The following PFKFB1 variants were observed in gnomAD, a reference collection of about 807,000 sequenced individuals.
The protein encoded by PFKFB1 is 6-phosphofructo-2-kinase/fructose-2,6-biphosphatase 1.
PFKFB1 carries 34 observed loss-of-function variants against 46.4 expected under a neutral mutation model. The ratio of observed to expected loss-of-function variants is 0.73; its 90% CI spans 0.56 to 0.98. The LOEUF is 0.98. Among genes scored for constraint, PFKFB1 ranks in the 50% least tolerant of loss-of-function variants. PFKFB1 has a pLI of 0.00. For missense variants in PFKFB1, 393 were observed against 376.3 expected, an observed-to-expected ratio of 1.04 and a Z score of -0.37; for synonymous variants, 119 against 133.8, an observed-to-expected ratio of 0.89 and a Z score of 0.76.
At chrX:54,942,089 T>G (rs1364539493) in intron 10 of PFKFB1, among the ~76,000 whole-genome samples, 1 of 111,936 alleles carries the variant, frequency 8.9e-6, no homozygotes, top group Admixed American at 9.5e-5. Context: ...TCATGTCCTT[T>G]GTAGTGACAT....
At chrX:54,933,795 C>T (rs1234823060) in intron 13 of PFKFB1, 26 bp downstream of exon 13, 23 of 1,181,389 alleles carry the variant, frequency 1.9e-5, no homozygotes, top group Non-Finnish European at 2.4e-5. Context: ...CCACAGCCAG[C>T]TTGGGCCATG....
At chrX:54,997,831 G>A (rs767965349), upstream of PFKFB1, among the ~76,000 whole-genome samples, 5 of 112,119 alleles carry the variant, frequency 4.5e-5, no homozygotes, top group Admixed American at 3.7e-4. Context: ...GACTATAGTC[G>A]CACAGCAGCT....
chrX:54,960,748 C>A (rs907749915), intron 3 of PFKFB1, 76 bp downstream of exon 3: 6 of 645,029 alleles, frequency 9.3e-6, no homozygotes, highest in Middle Eastern at 6.5e-4. Flanking sequence ...GATTATTCTG[C>A]CCTACTCCCC....
upstream of PFKFB1, among the ~76,000 whole-genome samples, chrX:54,997,580 T>C (rs748846986): frequency 5.4e-5 from 6 of 111,823 alleles, no homozygotes; most frequent in African/African-American, 9.7e-5. Flanking sequence ...GGTCTCCCTA[T>C]TGGTAGCTCT....
In PFKFB1 at chrX:54,937,511, A is replaced by C. The variant is rs1229055973; in HGVS notation, c.1228+84T>G. The C allele has an allele frequency of 3.4e-6, 3 of 890,839 alleles. No homozygotes were observed. The African/African-American group carries it at 5.9e-5, about 17-fold the overall frequency. The allele number at this position is 890,839 out of a possible 1,213,427, so 73.4% of individuals were successfully genotyped here. ...CCTTGTTCTAGATACTCTTCTCTTA[A>C]CTACTAAGATATAGATATCTAATTG... On this transcript the variant is annotated intron_variant, in intron 11 of 13. Coordinates refer to ENST00000375006, the MANE Select transcript of PFKFB1 (RefSeq NM_002625.4).
chrX:54,988,735 G>C (rs1386743435), intron 1 of PFKFB1, among the ~76,000 whole-genome samples: 3 of 111,657 alleles, frequency 2.7e-5, no homozygotes, highest in Non-Finnish European at 3.8e-5. Context: ...AATTAAGTAG[G>C]GGAAAGAAGA....
intron 13 of PFKFB1, 64 bp downstream of exon 13, chrX:54,933,757 G>T: frequency 9.9e-7 from 1 of 1,011,368 alleles, no homozygotes; most frequent in Non-Finnish European, 1.4e-6. Context: ...CCTTTCTGTG[G>T]ATAAGGTGCT....
At chrX:54,948,123 A>G (rs1226952960) in intron 9 of PFKFB1, among the ~76,000 whole-genome samples, 1 of 110,362 alleles carries the variant, frequency 9.1e-6, no homozygotes, top group African/African-American at 3.3e-5. Flanking sequence ...GGGTTTTACT[A>G]TGTTGCTCAG....
At chrX:54,975,536 C>T (rs1238744111) in intron 1 of PFKFB1, among the ~76,000 whole-genome samples, 1 of 111,027 alleles carries the variant, frequency 9.0e-6, no homozygotes, top group Non-Finnish European at 1.9e-5. Flanking sequence ...CCAGTGTACA[C>T]TGCTCAGGTG....
intron 1 of PFKFB1, among the ~76,000 whole-genome samples, chrX:54,988,782 C>A (rs1373164169): frequency 8.9e-6 from 1 of 111,745 alleles, no homozygotes; most frequent in Non-Finnish European, 1.9e-5. Flanking sequence ...AACTGGATAG[C>A]CACATGCAAA....
intron 10 of PFKFB1, among the ~76,000 whole-genome samples, chrX:54,939,673 C>A (rs1933544968): frequency 9.0e-6 from 1 of 111,727 alleles, no homozygotes; most frequent in African/African-American, 3.3e-5. Flanking sequence ...GACACATACA[C>A]CCTCCCAAGA....
chrX:54,938,846 A>C lies in PFKFB1; in HGVS notation c.1099-1122T>G, dbSNP rs1221146760. Reference sequence around the variant, plus strand: ...GACAGATCAATGAGACAGAAAGTTAACAAGGATATCCAGGAATTGAACTCA... The same window carrying C: ...GACAGATCAATGAGACAGAAAGTTACCAAGGATATCCAGGAATTGAACTCA... On this transcript the variant is annotated intron_variant, in intron 10 of 13. Transcript: ENST00000375006. Among the ~76,000 whole-genome samples, 33 of 111,559 alleles carry C rather than the reference A, an allele frequency of 3.0e-4. 1 individual carries two copies. Among genetic ancestry groups the C allele is most frequent in the Admixed American group, 9.6e-5 (1 of 10,470 alleles).
upstream of PFKFB1, chrX:54,994,245 G>A (rs919013265): frequency 8.0e-6 from 6 of 753,806 alleles, no homozygotes; most frequent in Non-Finnish European, 7.8e-6. Context: ...TGCAGAGGGC[G>A]AGAGGTTGGG....
chrX:54,952,827 A>C (rs940678666), intron 7 of PFKFB1, among the ~76,000 whole-genome samples: 1 of 109,945 alleles, frequency 9.1e-6, no homozygotes, highest in African/African-American at 3.3e-5. Flanking sequence ...GAAACACATG[A>C]TCAGTGCTCA....
At position 54,933,357 on chromosome X, in the gene PFKFB1, G is replaced by A. The variant is rs1933281291; in HGVS notation, c.*46C>T. ...AGAGCAAAGATAGCATTTCCTAAAG[G>A]TGGAAGGCGATGAGGACACAGGCAG... On this transcript the variant is annotated 3_prime_UTR_variant, in exon 14 of 14. Transcript: ENST00000375006. The A allele has an allele frequency of 9.6e-7, 1 of 1,044,922 alleles. No individual in the cohort carries two copies. Among genetic ancestry groups the A allele is most frequent in the Admixed American group, 2.2e-5 (1 of 45,559 alleles). The allele number at this position is 1,044,922 out of a possible 1,213,427, so 86.1% of individuals were successfully genotyped here.
chrX:54,963,428 G>A, intron 1 of PFKFB1, 46 bp from the exon 2 acceptor site: 1 of 1,179,746 alleles, frequency 8.5e-7, no homozygotes, highest in South Asian at 1.8e-5. Context: ...AGATTCATAG[G>A]CTCTTCTGGT....
rs1381514114 is a variant in PFKFB1 at position 54,933,480 on chromosome X, G to A, written c.1357-18C>T. ...TCCACATTCTGAGGAGAGAGCGCAGGATTAATAGGAAGGAGACAGCAGTGC... is the reference window on the plus strand; with the variant it reads ...TCCACATTCTGAGGAGAGAGCGCAGAATTAATAGGAAGGAGACAGCAGTGC... On this transcript the variant is annotated intron_variant, in intron 13 of 13. Transcript: ENST00000375006. The A allele has an allele frequency of 8.5e-7, 1 of 1,175,964 alleles. No individual in the cohort carries two copies. The highest frequency in any genetic ancestry group is 1.8e-5 in the African/African-American group (1 of 56,462).
chrX:54,967,632 C>T (rs1448399891), intron 1 of PFKFB1, among the ~76,000 whole-genome samples: 1 of 58,329 alleles, frequency 1.7e-5, no homozygotes, highest in Non-Finnish European at 3.1e-5. Flanking sequence ...AAGAAAAAAA[C>T]AAACAACCCC....
chrX:54,985,089 T>C (rs1466500284), intron 1 of PFKFB1, among the ~76,000 whole-genome samples: 1 of 110,806 alleles, frequency 9.0e-6, no homozygotes, highest in Non-Finnish European at 1.9e-5. Context: ...TTTAACATAG[T>C]ACAAAGAAGC....
Sources: allele counts gnomAD v4.1 joint callset (sites outside exome capture counted in the v4.1 genomes callset), GRCh38; gene constraint gnomAD v4.1.1; transcripts MANE v1.5; gene names NCBI Gene and HGNC (gene_info 2026-07-23, HGNC 2026-07-21).